OXR1: variants seen among roughly 807,000 people sequenced by gnomAD.
OXR1 encodes oxidation resistance protein 1.
In OXR1, 41 loss-of-function variants were observed where a neutral mutation model predicts 104.6. The observed-to-expected ratio is 0.39, with a 90% CI of 0.31 to 0.51. OXR1 has a LOEUF of 0.51. OXR1 is among the 20% of genes least tolerant of loss of function. OXR1 has a pLI of 0.77. For synonymous variants in OXR1, 348 were observed against 348.4 expected, an observed-to-expected ratio of 1.00 and a Z score of 0.01; for missense variants, 955 against 1,031.9, an observed-to-expected ratio of 0.93 and a Z score of 1.02.
intron 1 of OXR1, among the ~76,000 whole-genome samples, chr8:106,313,016 G>A (rs895237960): frequency 6.6e-6 from 1 of 152,084 alleles, no homozygotes; most frequent in South Asian, 2.1e-4. Context: ...TATTAGAAAC[G>A]TGATTATAAG....
chr8:106,359,950 G>C (rs1033648448), intron 2 of OXR1, among the ~76,000 whole-genome samples: 3 of 152,024 alleles, frequency 2.0e-5, no homozygotes, highest in Admixed American at 2.0e-4. Flanking sequence ...CCTTGCTATC[G>C]GTATATTCCC....
At chr8:106,688,571 TG>T (rs1419684089) in intron 6 of OXR1, among the ~76,000 whole-genome samples, 2 of 152,170 alleles carry the variant, frequency 1.3e-5, no homozygotes, top group Non-Finnish European at 2.9e-5. Flanking sequence ...CAGTAGCTAT[TG>T]TTTTTTTACT....
At chr8:106,721,520 G>C (rs1336409445) in intron 11 of OXR1, among the ~76,000 whole-genome samples, 1 of 152,002 alleles carries the variant, frequency 6.6e-6, no homozygotes, top group Non-Finnish European at 1.5e-5. Context: ...AAATTGCTCT[G>C]GCTTCCCTCT....
chr8:106,498,301 C>T (rs981081774), intron 2 of OXR1, among the ~76,000 whole-genome samples: 1 of 152,108 alleles, frequency 6.6e-6, no homozygotes, highest in East Asian at 1.9e-4. Context: ...TAAATCTATA[C>T]ATGGAGTATT....
intron 14 of OXR1, among the ~76,000 whole-genome samples, chr8:106,742,009 A>T (rs1364944278): frequency 6.6e-6 from 1 of 152,188 alleles, no homozygotes; most frequent in Non-Finnish European, 1.5e-5. Flanking sequence ...ACTAGGAAAA[A>T]ATCTGTATTT....
intron 3 of OXR1, 68 bp downstream of exon 3, chr8:106,519,207 G>A: frequency 1.9e-6 from 2 of 1,080,044 alleles, no homozygotes; most frequent in Admixed American, 2.4e-5. Context: ...GAATTTCTGG[G>A]TCTGTTTAGT....
chr8:106,448,084 T>C (rs961235597), intron 2 of OXR1: 1 of 1,534,712 alleles, frequency 6.5e-7, no homozygotes, highest in Non-Finnish European at 8.7e-7. Context: ...CTGTTGTTAC[T>C]TCCTGTGTTA....
chr8:106,333,624 A>G (rs1814828785), intron 1 of OXR1, among the ~76,000 whole-genome samples: 1 of 152,078 alleles, frequency 6.6e-6, no homozygotes, highest in Non-Finnish European at 1.5e-5. Context: ...TCTTACACTT[A>G]TATTTGTGAT....
chr8:106,469,945 G>A (rs946331631), intron 2 of OXR1, among the ~76,000 whole-genome samples: 4 of 151,744 alleles, frequency 2.6e-5, no homozygotes, highest in Admixed American at 6.6e-5. Flanking sequence ...ATGAATCTGC[G>A]AAACAGGTAT....
chr8:106,460,366 G>A (rs560836566), intron 2 of OXR1, among the ~76,000 whole-genome samples: 67 of 152,240 alleles, frequency 4.4e-4, no homozygotes, highest in African/African-American at 1.5e-3. Flanking sequence ...AACATGACTC[G>A]CAATCTTATA....
At chr8:106,483,021 C>T (rs1822229954) in intron 2 of OXR1, among the ~76,000 whole-genome samples, 1 of 152,042 alleles carries the variant, frequency 6.6e-6, no homozygotes, top group Non-Finnish European at 1.5e-5. Context: ...TCCTAGGTCA[C>T]TTGGTCATCT....
At chr8:106,474,184 T>C (rs1440235665) in intron 2 of OXR1, among the ~76,000 whole-genome samples, 2 of 151,390 alleles carry the variant, frequency 1.3e-5, no homozygotes, top group Non-Finnish European at 3.0e-5. Flanking sequence ...GGGGTAAATC[T>C]TATTTCTCAA....
intron 13 of OXR1, 80 bp from the exon 14 acceptor site, chr8:106,740,263 A>G (rs1834807598): frequency 3.8e-6 from 4 of 1,043,188 alleles, no homozygotes; most frequent in Non-Finnish European, 5.7e-6. Flanking sequence ...TATAGGCACC[A>G]TTACATTCCA....
intron 11 of OXR1, chr8:106,726,205 T>TA (rs2131491402): frequency 2.0e-6 from 3 of 1,512,572 alleles, no homozygotes; most frequent in African/African-American, 1.4e-5. Flanking sequence ...AAACAGTTCT[T>TA]ACGTGATTTT....
In OXR1 at chr8:106,728,203, A is replaced by G. The variant is rs184718105; in HGVS notation, c.1957-9317A>G. ...AGATTTTGCCTGACAAGGGGCTCTT[A>G]TGCTTCTAAACTGGAAAAAAAAAAA... is the stretch of plus-strand genomic sequence containing the variant. On this transcript the variant is annotated intron_variant, in intron 11 of 16. Coordinates refer to ENST00000517566, the MANE Select transcript of OXR1 (RefSeq NM_001198533.2). Among the ~76,000 whole-genome samples the G allele has an allele frequency of 2.3e-3, 319 of 137,738 alleles. 1 individual carries two copies. The highest frequency in any genetic ancestry group is 8.1e-3 in the African/African-American group (295 of 36,524). 90.4% of individuals were successfully genotyped at this position (137,738 alleles called of 152,430 possible). A position where few individuals can be genotyped will look rare whatever the true frequency, so the allele number is the denominator to read the frequency against.
At chr8:106,373,739 G>T (rs1445368728) in intron 2 of OXR1, among the ~76,000 whole-genome samples, 4 of 152,022 alleles carry the variant, frequency 2.6e-5, no homozygotes, top group African/African-American at 9.7e-5. Flanking sequence ...ACAAGTGTGT[G>T]CCATCACACC....
intron 1 of OXR1, among the ~76,000 whole-genome samples, chr8:106,270,698 C>G (rs1165086465): frequency 6.6e-6 from 1 of 151,916 alleles, no homozygotes; most frequent in Non-Finnish European, 1.5e-5. Flanking sequence ...GGCGCGGGAG[C>G]CCGGCCAGGG....
At chr8:106,497,412 A>T (rs1586722956) in intron 2 of OXR1, among the ~76,000 whole-genome samples, 2 of 152,182 alleles carry the variant, frequency 1.3e-5, no homozygotes, top group South Asian at 4.1e-4. Flanking sequence ...TTTTACAGGC[A>T]TTCAGCTAGT....
At chr8:106,567,042 C>G (rs1817130388) in intron 3 of OXR1, among the ~76,000 whole-genome samples, 1 of 152,122 alleles carries the variant, frequency 6.6e-6, no homozygotes, top group Non-Finnish European at 1.5e-5. Flanking sequence ...TGCCGCAAAC[C>G]ACCATGCCGC....
Sources: allele counts gnomAD v4.1 joint callset (sites outside exome capture counted in the v4.1 genomes callset), GRCh38; gene constraint gnomAD v4.1.1; transcripts MANE v1.5; gene names NCBI Gene and HGNC (gene_info 2026-07-23, HGNC 2026-07-21).